Variants in AGBL1 observed in about 807,000 individuals in gnomAD.
The protein encoded by AGBL1 is AGBL carboxypeptidase 1.
Under a neutral mutation model 118.9 loss-of-function variants are expected in AGBL1, and 130 were observed. The observed-to-expected ratio is 1.09, with a 90% CI of 0.95 to 1.26. The LOEUF (loss-of-function observed/expected upper bound fraction) is 1.26, where lower values mean the gene tolerates loss of function less well. AGBL1 is among the 50% of genes most tolerant of loss of function. The pLI is 0.00. For missense variants in AGBL1, 1,584 were observed against 1,298.1 expected (o/e 1.22, Z -3.38); for synonymous variants, 555 against 478.9 (o/e 1.16, Z -2.08).
Position 86,613,896 on chromosome 15 carries a change from G to C in AGBL1, c.2994+59359G>C, listed in dbSNP as rs2084689273. On this transcript the variant is annotated intron_variant, in intron 21 of 22. Coordinates refer to ENST00000614907, the MANE Select transcript of AGBL1 (RefSeq NM_001386094.1). This position sits in a 1 kb window ranked among gnomAD's most constrained non-coding sequence, Gnocchi z 4.2. The stretch of plus-strand genomic sequence containing the variant: ...TCCTGAGTGAAAAGACCAATCTCTA[G>C]GGATGTTATTCAAAGTAGTTCAAAT... Among the ~76,000 whole-genome samples the C allele has an allele frequency of 6.6e-6, 1 of 152,164 alleles. No individual in the cohort carries two copies. The highest frequency in any genetic ancestry group is 6.5e-5 in the Admixed American group (1 of 15,276).
intron 20 of AGBL1, among the ~76,000 whole-genome samples, chr15:86,548,304 G>T (rs774588224): frequency 6.6e-6 from 1 of 152,062 alleles, no homozygotes; most frequent in South Asian, 2.1e-4. Context: ...TTGAAGAGAC[G>T]ATTATACACC....
intron 17 of AGBL1, among the ~76,000 whole-genome samples, chr15:86,340,049 A>G (rs1172574881): frequency 2.0e-5 from 3 of 152,056 alleles, no homozygotes; most frequent in Admixed American, 6.5e-5. Flanking sequence ...ATTTCTTCTG[A>G]AGCATTTTTA....
chr15:86,124,265 G>T (rs1192460404), intron 1 of AGBL1, among the ~76,000 whole-genome samples: 1 of 149,818 alleles, frequency 6.7e-6, no homozygotes, highest in Non-Finnish European at 1.5e-5. Flanking sequence ...AGGAGGCAGA[G>T]GTTGCAGTGA....
intron 22 of AGBL1, among the ~76,000 whole-genome samples, chr15:86,721,430 C>T (rs2086718883): frequency 6.6e-6 from 1 of 152,058 alleles, no homozygotes; most frequent in Admixed American, 6.6e-5. Context: ...GCAGAAAAGG[C>T]CTTTGACAAA....
chr15:86,827,333 ATATATGTG>A (rs1567194347), intron 22 of AGBL1, among the ~76,000 whole-genome samples: 76 of 10,928 alleles, frequency 7.0e-3, no homozygotes, highest in South Asian at 0.017. Flanking sequence ...ACATATATAT[ATATATGTG>A]TATATATATA....
intron 19 of AGBL1, among the ~76,000 whole-genome samples, chr15:86,532,338 C>T (rs896148407): frequency 6.6e-6 from 1 of 151,478 alleles, no homozygotes; most frequent in Admixed American, 6.6e-5. Context: ...AGAGCCAAAT[C>T]ATGAGTGAAC....
At chr15:86,494,568 A>G (rs960921978) in intron 18 of AGBL1, among the ~76,000 whole-genome samples, 6 of 152,084 alleles carry the variant, frequency 3.9e-5, no homozygotes, top group Non-Finnish European at 7.4e-5. Context: ...AGTCAACCTA[A>G]TCTTGACAGT....
chr15:86,212,044 T>C (rs1323615154), intron 5 of AGBL1, among the ~76,000 whole-genome samples: 1 of 152,210 alleles, frequency 6.6e-6, no homozygotes, highest in Non-Finnish European at 1.5e-5. Flanking sequence ...AAAAGGCTTG[T>C]CTTTGTAGTA....
intron 18 of AGBL1, among the ~76,000 whole-genome samples, chr15:86,496,199 A>T (rs2082853404): frequency 6.6e-6 from 1 of 151,988 alleles, no homozygotes; most frequent in Non-Finnish European, 1.5e-5. Flanking sequence ...TGATGATTTT[A>T]TAAATCTTTG....
chr15:86,836,815 A>C (rs2141427461), intron 22 of AGBL1, among the ~76,000 whole-genome samples: 1 of 152,262 alleles, frequency 6.6e-6, no homozygotes, highest in African/African-American at 2.4e-5. Context: ...TCCATCTCAG[A>C]GGGACCTTCT....
intron 18 of AGBL1, among the ~76,000 whole-genome samples, chr15:86,443,621 G>C (rs2082089104): frequency 6.6e-6 from 1 of 151,994 alleles, no homozygotes; most frequent in Non-Finnish European, 1.5e-5. Context: ...ACCCTTCCCA[G>C]CCTCCGGTAA....
intron 22 of AGBL1, among the ~76,000 whole-genome samples, chr15:86,868,261 C>T (rs893614185): frequency 4.6e-5 from 7 of 152,176 alleles, no homozygotes; most frequent in African/African-American, 1.7e-4. Flanking sequence ...ACAAGAAAAG[C>T]TTCAAACCCT....
chr15:86,487,925 C>T (rs2082732709), intron 18 of AGBL1, among the ~76,000 whole-genome samples: 1 of 152,062 alleles, frequency 6.6e-6, no homozygotes, highest in Non-Finnish European at 1.5e-5. Context: ...ATCGGGGATG[C>T]TCAAACATGT....
chr15:86,574,110 T>A (rs989652116), intron 21 of AGBL1, among the ~76,000 whole-genome samples: 1 of 152,064 alleles, frequency 6.6e-6, no homozygotes, highest in Non-Finnish European at 1.5e-5. Context: ...GTTGCATTGC[T>A]GCAATGGTCA....
At chr15:86,473,555 G>T (rs957540081) in intron 18 of AGBL1, among the ~76,000 whole-genome samples, 2 of 148,492 alleles carry the variant, frequency 1.3e-5, no homozygotes, top group African/African-American at 5.2e-5. Flanking sequence ...TTTTCTATTT[G>T]TTTTTTTTAA....
chr15:86,682,765 C>T (rs547197793), intron 22 of AGBL1, among the ~76,000 whole-genome samples: 1 of 151,948 alleles, frequency 6.6e-6, no homozygotes, highest in Non-Finnish European at 1.5e-5. Flanking sequence ...ATAAGTATGT[C>T]AATTTATATA....
At chr15:86,473,393 T>C (rs906207488) in intron 18 of AGBL1, among the ~76,000 whole-genome samples, 1 of 152,184 alleles carries the variant, frequency 6.6e-6, no homozygotes, top group East Asian at 1.9e-4. Flanking sequence ...TCTATTAGCT[T>C]TGATTTCCAG....
intron 18 of AGBL1, among the ~76,000 whole-genome samples, chr15:86,415,485 T>C (rs1411246241): frequency 6.6e-6 from 1 of 152,198 alleles, no homozygotes; most frequent in Non-Finnish European, 1.5e-5. Flanking sequence ...TGATACTTAA[T>C]AGTGTTCTTA....
chr15:86,937,808 A>AGG (rs1169297931), intron 23 of AGBL1, among the ~76,000 whole-genome samples: 2 of 152,204 alleles, frequency 1.3e-5, no homozygotes, highest in Non-Finnish European at 2.9e-5. Flanking sequence ...AATAAAAGTT[A>AGG]AAACAAAAGT....
Sources: gnomAD v4.1 joint callset for allele counts (sites outside exome capture counted in the v4.1 genomes callset) on GRCh38, gnomAD v4.1.1 for gene constraint, Gnocchi (gnomAD v3.1) non-coding constraint, MANE v1.5 for transcripts, NCBI Gene and HGNC (gene_info 2026-07-23, HGNC 2026-07-21) for gene names.